Variants in LINGO2 observed in about 807,000 individuals in gnomAD.
LINGO2 encodes the protein leucine-rich repeat and immunoglobulin-like domain-containing nogo receptor-interacting protein 2.
A neutral mutation model predicts 30.6 loss-of-function variants in LINGO2; 14 were observed. That is an observed-to-expected ratio of 0.46 (90% CI 0.30 to 0.72). The LOEUF (loss-of-function observed/expected upper bound fraction) is 0.72. Ranked by LOEUF, LINGO2 falls within the 30% of genes least tolerant of loss-of-function variation. The probability of loss-of-function intolerance (pLI) is 0.07; values close to 1 mark genes in which losing one functional copy is unlikely to be tolerated. For synonymous variants in LINGO2, 317 were observed against 288.5 expected (o/e 1.10, Z -1.00); for missense variants, 729 against 751.7 (o/e 0.97, Z 0.35).
chr9:28,479,911 G>GTATATATATATATATATATA (rs58972403), intron 1 of LINGO2, among the ~76,000 whole-genome samples: 6 of 49,766 alleles, frequency 1.2e-4, no homozygotes, highest in Non-Finnish European at 1.6e-4. Flanking sequence ...ATATACGTAG[G>GTATATATATATATATATATA]TATATATATA....
At chr9:28,078,426 C>A (rs1219538720) in intron 4 of LINGO2, among the ~76,000 whole-genome samples, 1 of 148,820 alleles carries the variant, frequency 6.7e-6, no homozygotes, top group Admixed American at 6.6e-5. Context: ...ATGTCTAAAT[C>A]TGATTTTTAA....
chr9:28,384,073 T>A (rs1331884), intron 2 of LINGO2, among the ~76,000 whole-genome samples: 131,221 of 151,842 alleles, frequency 0.86, 56,823 homozygotes, highest in Admixed American at 0.9. Context: ...ATAAATATTA[T>A]ATTAGTGATA....
intron 4 of LINGO2, among the ~76,000 whole-genome samples, chr9:28,083,606 G>T (rs1002173563): frequency 2.0e-5 from 3 of 152,044 alleles, no homozygotes; most frequent in Non-Finnish European, 2.9e-5. Flanking sequence ...GCCACATAAT[G>T]GTTCAATAAA....
chr9:29,069,676 A>G, the LINGO2 span, among the ~76,000 whole-genome samples: 1 of 152,048 alleles, frequency 6.6e-6, no homozygotes, highest in Non-Finnish European at 1.5e-5. Flanking sequence ...CCCTTTTAAT[A>G]TCTGAAGCTT....
At chr9:28,623,068 C>T (rs561191338) in intron 1 of LINGO2, among the ~76,000 whole-genome samples, 17 of 151,408 alleles carry the variant, frequency 1.1e-4, no homozygotes, top group African/African-American at 4.1e-4. Context: ...GTTGTTTTTG[C>T]TCCTTGTATA....
the LINGO2 span, among the ~76,000 whole-genome samples, chr9:28,848,364 TGTGTGTGTGTGTG>T: frequency 2.1e-5 from 1 of 48,406 alleles, no homozygotes; most frequent in African/African-American, 1.3e-4. Context: ...ACACATATAT[TGTGTGTGTGTGTG>T]TGTGTGTGTG....
At chr9:28,200,598 G>T (rs538577437) in intron 4 of LINGO2, among the ~76,000 whole-genome samples, 4 of 152,228 alleles carry the variant, frequency 2.6e-5, no homozygotes, top group African/African-American at 9.6e-5. Context: ...GGCTGCAAAG[G>T]TATGACTCTC....
At chr9:28,440,396 C>T (rs7021018) in intron 2 of LINGO2, among the ~76,000 whole-genome samples, 46,296 of 151,978 alleles carry the variant, frequency 0.3, 8,101 homozygotes, top group Non-Finnish European at 0.39. Flanking sequence ...CGTTCACTTC[C>T]GGAAAAATGT....
intron 3 of LINGO2, among the ~76,000 whole-genome samples, chr9:28,352,025 C>G (rs949967327): frequency 6.6e-6 from 1 of 150,916 alleles, no homozygotes; most frequent in South Asian, 2.1e-4. Context: ...CTATCTATGA[C>G]AAACCCACAG....
chr9:28,025,629 T>C (rs1367141159), intron 4 of LINGO2, among the ~76,000 whole-genome samples: 1 of 152,232 alleles, frequency 6.6e-6, no homozygotes, highest in Non-Finnish European at 1.5e-5. Context: ...GGAAATTAAA[T>C]TGAAACTCTT....
chr9:28,503,097 C>T (rs998992465), intron 1 of LINGO2, among the ~76,000 whole-genome samples: 24 of 152,070 alleles, frequency 1.6e-4, no homozygotes, highest in African/African-American at 2.2e-4. Flanking sequence ...ATAATTTTTA[C>T]GAATTTGACT....
At chr9:28,152,008 T>C (rs1161360743) in intron 4 of LINGO2, among the ~76,000 whole-genome samples, 4 of 152,214 alleles carry the variant, frequency 2.6e-5, no homozygotes, top group Non-Finnish European at 5.9e-5. Context: ...CATGAGGGCT[T>C]AATAACCCTA....
the LINGO2 span, among the ~76,000 whole-genome samples, chr9:29,071,491 A>G: frequency 4.3e-5 from 1 of 23,216 alleles, no homozygotes. Flanking sequence ...TCATATATAT[A>G]TATATATATA....
the LINGO2 span, among the ~76,000 whole-genome samples, chr9:28,859,538 A>G: frequency 6.6e-6 from 1 of 151,972 alleles, no homozygotes; most frequent in Non-Finnish European, 1.5e-5. Context: ...TATGACATCT[A>G]TTTATCTTAT....
At chr9:28,053,678 G>A (rs1008946906) in intron 4 of LINGO2, among the ~76,000 whole-genome samples, 4 of 152,050 alleles carry the variant, frequency 2.6e-5, no homozygotes, top group Non-Finnish European at 5.9e-5. Flanking sequence ...AAAATAAACT[G>A]ATGTCGAGGC....
the LINGO2 span, among the ~76,000 whole-genome samples, chr9:28,706,728 C>G: frequency 1.3e-5 from 2 of 152,082 alleles, no homozygotes; most frequent in African/African-American, 4.8e-5. Context: ...CATGTAACTA[C>G]TAGGCTAACA....
chr9:28,382,267 T>C (rs191171066), intron 2 of LINGO2, among the ~76,000 whole-genome samples: 1 of 152,284 alleles, frequency 6.6e-6, no homozygotes, highest in East Asian at 1.9e-4. Context: ...ATTTATGACA[T>C]TCAAAATATG....
chr9:28,044,064 TTA>T (rs1491552672), intron 4 of LINGO2, among the ~76,000 whole-genome samples: 4 of 152,218 alleles, frequency 2.6e-5, no homozygotes, highest in African/African-American at 9.6e-5. Context: ...AGATCTGTCT[TTA>T]AAACTTCAGG....
chr9:28,776,886 A>AT, the LINGO2 span, among the ~76,000 whole-genome samples: 3 of 148,740 alleles, frequency 2.0e-5, no homozygotes, highest in African/African-American at 7.5e-5. Context: ...TATGGTTTGG[A>AT]TTTGTGTCCC....
Sources: gnomAD v4.1 joint callset for allele counts (sites outside exome capture counted in the v4.1 genomes callset) on GRCh38, gnomAD v4.1.1 for gene constraint, MANE v1.5 for transcripts, NCBI Gene and HGNC (gene_info 2026-07-23, HGNC 2026-07-21) for gene names.